SMAD7: variants seen among roughly 807,000 people sequenced by gnomAD.
SMAD7 encodes the protein SMAD family member 7.
SMAD7 carries 8 observed loss-of-function variants against 38.7 expected under a neutral mutation model. That is an observed-to-expected ratio of 0.21 (90% CI 0.12 to 0.37). The LOEUF is 0.37. Among genes scored for constraint, SMAD7 ranks in the 10% least tolerant of loss-of-function variants. The probability of loss-of-function intolerance (pLI) is 1.00; values close to 1 mark genes in which losing one functional copy is unlikely to be tolerated. For synonymous variants in SMAD7, 327 were observed against 265.1 expected (o/e 1.23, Z -2.27); for missense variants, 477 against 577.9 (o/e 0.83, Z 1.79).
chr18:48,927,543 C>T (rs2069943521), intron 3 of SMAD7, among the ~76,000 whole-genome samples: 1 of 152,196 alleles, frequency 6.6e-6, no homozygotes, highest in Non-Finnish European at 1.5e-5. Context: ...GCATTTCACA[C>T]CAACCTCGCA....
chr18:48,931,927 G>C (rs537610000), intron 3 of SMAD7, among the ~76,000 whole-genome samples: 1 of 152,172 alleles, frequency 6.6e-6, no homozygotes, highest in African/African-American at 2.4e-5. Flanking sequence ...AAGGTGGGGG[G>C]GCTTCTGAGT....
intron 3 of SMAD7, among the ~76,000 whole-genome samples, chr18:48,937,469 A>T (rs889704062): frequency 6.6e-6 from 1 of 152,106 alleles, no homozygotes; most frequent in Non-Finnish European, 1.5e-5. Context: ...GAGCAGCCCA[A>T]ATTTGCTCCA....
At chr18:48,932,587 G>GT (rs2070015402) in intron 3 of SMAD7, among the ~76,000 whole-genome samples, 1 of 152,186 alleles carries the variant, frequency 6.6e-6, no homozygotes, top group Non-Finnish European at 1.5e-5. Flanking sequence ...AGCGAGAAGA[G>GT]TAATTCAATT....
chr18:48,948,891 A>G (rs1353590179), intron 1 of SMAD7, among the ~76,000 whole-genome samples: 2 of 152,310 alleles, frequency 1.3e-5, no homozygotes, highest in Non-Finnish European at 2.9e-5. Flanking sequence ...GCCCATTCCT[A>G]GCGCACTCGG....
intron 3 of SMAD7, among the ~76,000 whole-genome samples, chr18:48,937,423 C>T (rs185104400): frequency 9.9e-5 from 15 of 152,280 alleles, no homozygotes; most frequent in Middle Eastern, 3.4e-3. Flanking sequence ...GGACAGGATG[C>T]GTGAGGCGGC....
chr18:48,928,055 C>T (rs1351006655), intron 3 of SMAD7, among the ~76,000 whole-genome samples: 1 of 152,226 alleles, frequency 6.6e-6, no homozygotes, highest in African/African-American at 2.4e-5. Flanking sequence ...GGAAATGCTG[C>T]ACCAGCTTTT....
At chr18:48,939,457 C>A (rs1412690287) in intron 3 of SMAD7, among the ~76,000 whole-genome samples, 1 of 151,238 alleles carries the variant, frequency 6.6e-6, no homozygotes, top group Non-Finnish European at 1.5e-5. Context: ...GGCTCCTACC[C>A]GCCCACTCCC....
At chr18:48,942,082 G>T (rs910585441) in intron 3 of SMAD7, among the ~76,000 whole-genome samples, 28 of 152,150 alleles carry the variant, frequency 1.8e-4, no homozygotes, top group African/African-American at 6.8e-4. Flanking sequence ...TTCCCTAAAG[G>T]TGGGTCCATT....
rs970269722 is a variant in SMAD7 at position 48,950,874 on chromosome 18, G to T, written c.-450C>A. ...TGGAAGGTCCGCGGGGGCAAAAAAC[G>T]AAAGGCGTTCGGCTGGGCTGTTGGA... On this transcript the variant is annotated 5_prime_UTR_variant, in exon 1 of 4. Transcript: ENST00000262158. 6.6e-6 allele frequency among the ~76,000 whole-genome samples: 1 copy of T among 151,514 alleles called. No homozygotes were observed. Among genetic ancestry groups the T allele is most frequent in the African/African-American group, 2.4e-5 (1 of 41,328 alleles).
chr18:48,946,322 C>T (rs1435201134), intron 2 of SMAD7, among the ~76,000 whole-genome samples: 1 of 152,116 alleles, frequency 6.6e-6, no homozygotes, highest in African/African-American at 2.4e-5. Flanking sequence ...AACATTCTCC[C>T]ATACGCAAAA....
At chr18:48,936,848 G>A (rs2070073143) in intron 3 of SMAD7, among the ~76,000 whole-genome samples, 1 of 152,198 alleles carries the variant, frequency 6.6e-6, no homozygotes, top group Non-Finnish European at 1.5e-5. Flanking sequence ...GGGAGGCCAA[G>A]GCGGGCGGAT....
rs1314279552 is a variant in SMAD7, at chr18:48,950,260, C to T, written c.165G>A (p.Pro55=). Residue 55 remains proline (P), a synonymous_variant, in exon 1 of 4, where the codon CCG becomes CCA. Transcript: ENST00000262158. ...TGCCCAGGCAGCATCCAGCCCTGCC[C>T]GGGCCGCCGCCACCGGCCCCATGCG... ...SRAHGAGGGG[P]GRAGCCLGKA... 1 of 1,518,672 alleles carries T rather than the reference C, an allele frequency of 6.6e-7. No individual in the cohort carries two copies. Among genetic ancestry groups the T allele is most frequent in the African/African-American group, 1.4e-5 (1 of 70,134 alleles). 94.1% of individuals were successfully genotyped at this position (1,518,672 alleles called of 1,614,324 possible).
chr18:48,929,567 T>TCACACACACACACACACACACACA (rs112497008), intron 3 of SMAD7, among the ~76,000 whole-genome samples: 36 of 61,762 alleles, frequency 5.8e-4, no homozygotes, highest in African/African-American at 1.3e-3. Flanking sequence ...TCTCTCTCTC[T>TCACACACACACACACACACACACA]CTCACTCACA....
At chr18:48,929,569 T>TCTCTCACACA (rs3082710) in intron 3 of SMAD7, among the ~76,000 whole-genome samples, 1,747 of 114,548 alleles carry the variant, frequency 0.015, 31 homozygotes, top group South Asian at 0.04. Context: ...TCTCTCTCTC[T>TCTCTCACACA]CACTCACACA....
chr18:48,937,517 C>A (rs900944280), intron 3 of SMAD7, among the ~76,000 whole-genome samples: 3 of 152,172 alleles, frequency 2.0e-5, no homozygotes, highest in African/African-American at 7.2e-5. Flanking sequence ...TTAACCCCTG[C>A]CGGACTGCCT....
chr18:48,939,353 C>T (rs1481265203), intron 3 of SMAD7, among the ~76,000 whole-genome samples: 1 of 151,934 alleles, frequency 6.6e-6, no homozygotes, highest in Non-Finnish European at 1.5e-5. Flanking sequence ...AAGTCCCTAA[C>T]GACCAGGCCT....
intron 3 of SMAD7, among the ~76,000 whole-genome samples, chr18:48,935,613 G>C (rs980293562): frequency 6.6e-6 from 1 of 152,196 alleles, no homozygotes; most frequent in African/African-American, 2.4e-5. Context: ...CACTGGGATG[G>C]GCAGGCCAGG....
chr18:48,920,071 C>T lies in SMAD7; in HGVS notation c.*1301G>A, dbSNP rs576456351. On this transcript the variant is annotated 3_prime_UTR_variant, in exon 4 of 4. Transcript: ENST00000262158. Reference sequence around the variant, plus strand: ...TACATAAATAATGATGCTTATAAAACGTCTTTATATTTACAAGTAATAATA... The same window carrying T: ...TACATAAATAATGATGCTTATAAAATGTCTTTATATTTACAAGTAATAATA... The T allele has an allele frequency of 1.3e-5, 2 of 152,318 alleles. No individual in the cohort carries two copies. The highest frequency in any genetic ancestry group is 2.1e-4 in the South Asian group (1 of 4,824). 9.4% of individuals were successfully genotyped at this position (152,318 alleles called of 1,614,324 possible).
At chr18:48,938,978 A>C (rs35715456) in intron 3 of SMAD7, among the ~76,000 whole-genome samples, 32,995 of 151,998 alleles carry the variant, frequency 0.22, 4,214 homozygotes, top group Middle Eastern at 0.34. Flanking sequence ...AAGCAGAATC[A>C]ATCCACAAAC....
Sources: allele counts gnomAD v4.1 joint callset (sites outside exome capture counted in the v4.1 genomes callset), GRCh38; gene constraint gnomAD v4.1.1; transcripts MANE v1.5; gene names NCBI Gene and HGNC (gene_info 2026-07-23, HGNC 2026-07-21).